The following MCTP2 variants were observed in gnomAD, a reference collection of about 807,000 sequenced individuals.
MCTP2 encodes multiple C2 and transmembrane domain-containing protein 2.
Under a neutral mutation model 111.6 loss-of-function variants are expected in MCTP2, and 132 were observed. The observed-to-expected ratio is 1.18, with a 90% CI of 1.03 to 1.37. The LOEUF (loss-of-function observed/expected upper bound fraction) is 1.37. Ranked by LOEUF, MCTP2 falls within the 40% of genes most tolerant of loss-of-function variation. MCTP2 has a pLI of 0.00. For synonymous variants in MCTP2, 395 were observed against 387.7 expected (o/e 1.02, Z -0.22); for missense variants, 1,183 against 1,067.9 (o/e 1.11, Z -1.50).
At chr15:94,358,737 T>A in intron 10 of MCTP2, 125 bp downstream of exon 10, 1 of 1,111,182 alleles carries the variant, frequency 9.0e-7, no homozygotes, top group South Asian at 1.7e-5. Context: ...GTGCCATCAG[T>A]GAGCTGGATG....
intron 20 of MCTP2, among the ~76,000 whole-genome samples, chr15:94,466,092 ATTCTACTTCATCAATTTTTCTTG>A (rs973280432): frequency 6.6e-6 from 1 of 152,128 alleles, no homozygotes; most frequent in African/African-American, 2.4e-5. Flanking sequence ...ATTTTTCAAA[ATTCTACTTCATCAATTTTTCTTG>A]TTTTTCATTT....
intron 12 of MCTP2, among the ~76,000 whole-genome samples, chr15:94,375,212 G>T (rs959471154): frequency 2.6e-5 from 4 of 152,076 alleles, no homozygotes; most frequent in African/African-American, 7.2e-5. Flanking sequence ...GATCTCTTGA[G>T]AACTCTATCA....
chr15:94,472,120 G>A (rs1315435604), intron 21 of MCTP2, among the ~76,000 whole-genome samples: 1 of 152,206 alleles, frequency 6.6e-6, no homozygotes, highest in Non-Finnish European at 1.5e-5. Flanking sequence ...GCTCACGCCT[G>A]TAATCCCAGC....
intron 4 of MCTP2, among the ~76,000 whole-genome samples, chr15:94,322,169 G>A (rs943449880): frequency 6.6e-6 from 1 of 152,158 alleles, no homozygotes; most frequent in African/African-American, 2.4e-5. Flanking sequence ...AAAAAACACG[G>A]ATCTAATTAA....
chr15:94,424,365 G>A (rs994690171), intron 17 of MCTP2, among the ~76,000 whole-genome samples: 1 of 151,074 alleles, frequency 6.6e-6, no homozygotes, highest in African/African-American at 2.4e-5. Context: ...ATCATTATAC[G>A]TATCACCTGG....
At chr15:94,436,172 TC>T (rs1451165311) in intron 17 of MCTP2, among the ~76,000 whole-genome samples, 2 of 152,164 alleles carry the variant, frequency 1.3e-5, no homozygotes, top group South Asian at 2.1e-4. Context: ...CTGAGTGCAT[TC>T]CCGTTTCCTC....
chr15:94,438,095 A>T (rs372825753), intron 17 of MCTP2, among the ~76,000 whole-genome samples: 1 of 152,156 alleles, frequency 6.6e-6, no homozygotes, highest in Non-Finnish European at 1.5e-5. Flanking sequence ...TAGAAATCCT[A>T]ATGTAAAAGA....
intron 1 of MCTP2, among the ~76,000 whole-genome samples, chr15:94,264,236 C>T (rs1263994026): frequency 6.6e-6 from 1 of 152,130 alleles, no homozygotes; most frequent in Admixed American, 6.5e-5. Context: ...AGGATTAAAT[C>T]CTGCTCTATC....
chr15:94,332,891 A>G, intron 4 of MCTP2, among the ~76,000 whole-genome samples: 1 of 152,338 alleles, frequency 6.6e-6, no homozygotes, highest in Middle Eastern at 3.4e-3. Flanking sequence ...ATATATATGC[A>G]CAGACATACA....
intron 17 of MCTP2, among the ~76,000 whole-genome samples, chr15:94,421,034 T>G (rs184602635): frequency 1.3e-4 from 20 of 151,644 alleles, no homozygotes; most frequent in African/African-American, 4.8e-4. Flanking sequence ...GCCATCAACA[T>G]TGAGGCAAAA....
intron 4 of MCTP2, among the ~76,000 whole-genome samples, chr15:94,327,390 G>A (rs887904206): frequency 2.0e-5 from 3 of 152,168 alleles, no homozygotes; most frequent in African/African-American, 7.2e-5. Flanking sequence ...AGCACATATT[G>A]GAGCCTGCTT....
At position 94,473,659 on chromosome 15, in the gene MCTP2, C is replaced by A. The variant is rs187011392; in HGVS notation, c.2471-3037C>A. Among the ~76,000 whole-genome samples the A allele has an allele frequency of 3.9e-3, 594 of 152,254 alleles. 16 individuals carry two copies. The highest frequency in any genetic ancestry group is 9.7e-4 in the Non-Finnish European group (66 of 68,032). ...TGTTTTTTCAGGGTAGATATTAATT[C>A]TCTAAGCTAAATTTTTAGCTTTTTG... On this transcript the variant is annotated intron_variant, in intron 21 of 22. Transcript: ENST00000357742.
chr15:94,418,579 G>A (rs962243055), intron 17 of MCTP2, among the ~76,000 whole-genome samples: 2 of 152,066 alleles, frequency 1.3e-5, no homozygotes, highest in African/African-American at 4.8e-5. Context: ...CACATTAGAT[G>A]CTTTTTCTCT....
At chr15:94,293,490 C>A (rs1481744098) in intron 1 of MCTP2, among the ~76,000 whole-genome samples, 2 of 152,244 alleles carry the variant, frequency 1.3e-5, no homozygotes, top group South Asian at 4.1e-4. Flanking sequence ...AAATTAAAAA[C>A]CCAGATGTTG....
intron 17 of MCTP2, among the ~76,000 whole-genome samples, chr15:94,409,554 C>G (rs2082060093): frequency 6.6e-6 from 1 of 152,056 alleles, no homozygotes; most frequent in African/African-American, 2.4e-5. Context: ...CAGTCTAATT[C>G]ACTCTGCTTT....
At chr15:94,318,393 C>T (rs1299210667) in intron 4 of MCTP2, among the ~76,000 whole-genome samples, 2 of 151,676 alleles carry the variant, frequency 1.3e-5, no homozygotes, top group Admixed American at 1.3e-4. Context: ...AAGCGATTCT[C>T]CTGCCTCAGC....
At chr15:94,330,991 C>T (rs1596377458) in intron 4 of MCTP2, among the ~76,000 whole-genome samples, 1 of 152,264 alleles carries the variant, frequency 6.6e-6, no homozygotes, top group South Asian at 2.1e-4. Flanking sequence ...GCCTCGGCCT[C>T]CCAAAGTGCT....
chr15:94,361,084 G>GTT (rs67774490), intron 10 of MCTP2, among the ~76,000 whole-genome samples: 616 of 8,332 alleles, frequency 0.074, 57 homozygotes, highest in Middle Eastern at 0.12. Context: ...AATATTTCAA[G>GTT]TTTTTTTTTT....
intron 1 of MCTP2, among the ~76,000 whole-genome samples, chr15:94,282,613 C>T (rs961422348): frequency 2.0e-5 from 3 of 152,226 alleles, no homozygotes; most frequent in Admixed American, 1.3e-4. Context: ...AGAAGATACT[C>T]TGGCTTTTAG....
Sources: allele counts gnomAD v4.1 joint callset (sites outside exome capture counted in the v4.1 genomes callset), GRCh38; gene constraint gnomAD v4.1.1; transcripts MANE v1.5; gene names NCBI Gene and HGNC (gene_info 2026-07-23, HGNC 2026-07-21).